NRXN1: variants seen among roughly 807,000 people sequenced by gnomAD.
NRXN1 encodes neurexin 1.
In NRXN1, 39 loss-of-function variants were observed where a neutral mutation model predicts 150.9. The ratio of observed to expected loss-of-function variants is 0.26; its 90% CI spans 0.20 to 0.34. NRXN1 has a LOEUF of 0.34. Among genes scored for constraint, NRXN1 ranks in the 10% least tolerant of loss-of-function variants. The pLI is 1.00. For missense variants in NRXN1, 1,815 were observed against 1,949.9 expected, an observed-to-expected ratio of 0.93 and a Z score of 1.30; for synonymous variants, 924 against 757.0, an observed-to-expected ratio of 1.22 and a Z score of -3.62.
chr2:50,696,228 G>T, intron 5 of NRXN1: 1 of 149,558 alleles, frequency 6.7e-6, no homozygotes. Context: ...ATACACATAT[G>T]CTATATACAC....
chr2:50,739,186 T>C, intron 5 of NRXN1: 3 of 408,954 alleles, frequency 7.3e-6, no homozygotes, highest in South Asian at 5.7e-5. Flanking sequence ...TCCTTATGAT[T>C]ATGGATTTTC....
intron 5 of NRXN1, among the ~76,000 whole-genome samples, chr2:50,855,155 T>TAA (rs1559355734): frequency 6.6e-6 from 1 of 151,910 alleles, no homozygotes; most frequent in African/African-American, 2.4e-5. Context: ...GTTCAAGATA[T>TAA]AAGGGAAGAG....
At chr2:50,914,180 A>G (rs1684903030) in intron 5 of NRXN1, among the ~76,000 whole-genome samples, 1 of 151,672 alleles carries the variant, frequency 6.6e-6, no homozygotes, top group African/African-American at 2.4e-5. Context: ...GGACGCACTG[A>G]TAAGTCATCT....
intron 5 of NRXN1, among the ~76,000 whole-genome samples, chr2:50,828,314 G>A (rs868589642): frequency 2.3e-3 from 1 of 438 alleles, no homozygotes; most frequent in African/African-American, 6.2e-3. Flanking sequence ...GGCTGGCCGG[G>A]AGGGGGCTGA....
chr2:50,373,956 G>T (rs1323686557), intron 17 of NRXN1, among the ~76,000 whole-genome samples: 1 of 152,064 alleles, frequency 6.6e-6, no homozygotes, highest in Admixed American at 6.6e-5. Flanking sequence ...GATGCAGTTG[G>T]AAGGTAGAGA....
At chr2:50,781,126 T>C (rs140127259) in intron 5 of NRXN1, among the ~76,000 whole-genome samples, 140 of 152,308 alleles carry the variant, frequency 9.2e-4, no homozygotes, top group African/African-American at 3.2e-3. Context: ...TCCATAAACC[T>C]CATTTTCCTC....
intron 13 of NRXN1, 109 bp downstream of exon 13, chr2:50,506,386 T>A: frequency 3.3e-6 from 3 of 918,018 alleles, no homozygotes; most frequent in Non-Finnish European, 3.2e-6. Context: ...AAATGGATTG[T>A]GTGAATACAT....
At chr2:50,805,564 C>T (rs966326970) in intron 5 of NRXN1, among the ~76,000 whole-genome samples, 8 of 151,978 alleles carry the variant, frequency 5.3e-5, no homozygotes, top group African/African-American at 1.9e-4. Context: ...TGCTTGAGCC[C>T]AGGAGGCAGA....
Position 50,347,622 on chromosome 2 carries a change from G to A in NRXN1, c.3365-110652C>T. 1 of 1,005,956 alleles carries A rather than the reference G, an allele frequency of 9.9e-7. No individual in the cohort carries two copies. The highest frequency in any genetic ancestry group is 1.2e-6 in the Non-Finnish European group (1 of 842,468). 62.3% of individuals were successfully genotyped at this position (1,005,956 alleles called of 1,614,324 possible). The stretch of plus-strand genomic sequence containing the variant: ...CCGCCGCCTCCTGACACTTACGCCC[G>A]GCGAGGGGTTCAGAGGGAAGAGTGC... On this transcript the variant is annotated intron_variant, in intron 17 of 22. Transcript: ENST00000401669. The surrounding 1 kb of genome is among the most constrained non-coding windows in gnomAD (Gnocchi z 4.9).
chr2:50,207,910 C>A (rs552910764), intron 18 of NRXN1, among the ~76,000 whole-genome samples: 1 of 152,176 alleles, frequency 6.6e-6, no homozygotes, highest in African/African-American at 2.4e-5. Flanking sequence ...AGGAGGGACA[C>A]AAGCCTAGGT....
chr2:50,115,217 G>GTGTATA (rs1553626152), intron 18 of NRXN1, among the ~76,000 whole-genome samples: 45 of 134,924 alleles, frequency 3.3e-4, no homozygotes, highest in Non-Finnish European at 5.2e-4. Context: ...TATGTTATGT[G>GTGTATA]TATATATATA....
chr2:50,964,358 G>C (rs973884911), intron 2 of NRXN1, among the ~76,000 whole-genome samples: 3 of 151,478 alleles, frequency 2.0e-5, no homozygotes, highest in African/African-American at 7.2e-5. Context: ...CCCAGTGTTA[G>C]TTTTGTTCAT....
intron 12 of NRXN1, among the ~76,000 whole-genome samples, chr2:50,528,371 G>A (rs2093012442): frequency 6.6e-6 from 1 of 152,050 alleles, no homozygotes; most frequent in Non-Finnish European, 1.5e-5. Flanking sequence ...ATGTCTATAA[G>A]GTGCTGGCAC....
intron 5 of NRXN1, among the ~76,000 whole-genome samples, chr2:50,677,416 T>G (rs1689707155): frequency 6.6e-6 from 1 of 152,182 alleles, no homozygotes; most frequent in South Asian, 2.1e-4. Flanking sequence ...TTCCTATTTC[T>G]TGACACTGTC....
chr2:50,256,537 A>C (rs952584635), intron 17 of NRXN1, among the ~76,000 whole-genome samples: 15 of 152,106 alleles, frequency 9.9e-5, no homozygotes, highest in African/African-American at 3.6e-4. Context: ...GAGTTACTTT[A>C]TGCTACCCAA....
intron 19 of NRXN1, among the ~76,000 whole-genome samples, chr2:50,078,559 C>A (rs549056641): frequency 6.6e-6 from 1 of 151,944 alleles, no homozygotes; most frequent in South Asian, 2.1e-4. Flanking sequence ...TTTTCTATTG[C>A]AGGATCTAAC....
At chr2:50,753,550 T>C (rs867303206) in intron 5 of NRXN1, among the ~76,000 whole-genome samples, 45 of 152,042 alleles carry the variant, frequency 3.0e-4, no homozygotes, top group African/African-American at 1.0e-3. Context: ...TGTCACCCAC[T>C]TGCAGGCCAG....
At chr2:51,022,240 C>CT (rs1332747841) in intron 2 of NRXN1, among the ~76,000 whole-genome samples, 1 of 152,070 alleles carries the variant, frequency 6.6e-6, no homozygotes, top group East Asian at 1.9e-4. Context: ...AGGCACTAAT[C>CT]TAAGAGATTC....
At chr2:50,841,896 G>C (rs1672931503) in intron 5 of NRXN1, among the ~76,000 whole-genome samples, 1 of 152,122 alleles carries the variant, frequency 6.6e-6, no homozygotes, top group African/African-American at 2.4e-5. Flanking sequence ...CTGGTGAGTT[G>C]AATAAATTCT....
Sources: gnomAD v4.1 joint callset for allele counts (sites outside exome capture counted in the v4.1 genomes callset) on GRCh38, gnomAD v4.1.1 for gene constraint, Gnocchi (gnomAD v3.1) non-coding constraint, MANE v1.5 for transcripts, NCBI Gene and HGNC (gene_info 2026-07-23, HGNC 2026-07-21) for gene names.